The following IFT172 variants were observed in gnomAD, a reference collection of about 807,000 sequenced individuals.
The protein encoded by IFT172 is intraflagellar transport 172, also known as intraflagellar transport protein 172 homolog.
IFT172 carries 164 observed loss-of-function variants against 248.9 expected under a neutral mutation model. The observed-to-expected ratio is 0.66, with a 90% CI of 0.58 to 0.75. The LOEUF is 0.75. IFT172 is among the 30% of genes least tolerant of loss of function. The probability of loss-of-function intolerance (pLI) is 0.00; values close to 1 mark genes in which losing one functional copy is unlikely to be tolerated. For synonymous variants in IFT172, 729 were observed against 791.6 expected, an observed-to-expected ratio of 0.92 and a Z score of 1.33; for missense variants, 1,950 against 2,192.4, an observed-to-expected ratio of 0.89 and a Z score of 2.21.
In IFT172 at chr2:27,454,744, G is replaced by C; in HGVS notation, c.3372-84C>G. 5 of 1,131,946 alleles carry C rather than the reference G, an allele frequency of 4.4e-6. No homozygotes were observed. Among genetic ancestry groups the C allele is most frequent in the Non-Finnish European group, 6.5e-6 (5 of 763,378 alleles). 70.1% of individuals were successfully genotyped at this position (1,131,946 alleles called of 1,614,324 possible). A position where few individuals can be genotyped will look rare whatever the true frequency, so the allele number is the denominator to read the frequency against. On this transcript the variant is annotated intron_variant, in intron 30 of 47. Coordinates refer to ENST00000260570, the MANE Select transcript of IFT172 (RefSeq NM_015662.3). This position sits in a 1 kb window ranked among gnomAD's most constrained non-coding sequence, Gnocchi z 4.2. ...CAAGACAAAACAGAGAAAGGACAGA[G>C]TTGAGGGGAGAAAAAGTGACAGATT...
chr2:27,465,308 G>C (rs1667002692), intron 18 of IFT172, 103 bp downstream of exon 18: 11 of 905,600 alleles, frequency 1.2e-5, no homozygotes, highest in Non-Finnish European at 2.0e-5. Flanking sequence ...AGTGGGAAGG[G>C]AGGGAGTACC....
At position 27,448,605 on chromosome 2, in the gene IFT172, T is replaced by C. The variant is rs921418923; in HGVS notation, c.4428+310A>G. 6.6e-5 allele frequency among the ~76,000 whole-genome samples: 10 copies of C among 152,238 alleles called. No individual in the cohort carries two copies. The East Asian group carries it at 1.9e-3, about 29-fold the overall frequency. ...GTGTTCATTCTCTGGAGGAAGTCAA[T>C]AAAGGCCCTAGAGGTGTATGCAGGA... is the stretch of plus-strand genomic sequence containing the variant. On this transcript the variant is annotated intron_variant, in intron 40 of 47. Coordinates refer to ENST00000260570, the MANE Select transcript of IFT172 (RefSeq NM_015662.3).
At chr2:27,451,235 G>A (rs539893939) in intron 35 of IFT172, among the ~76,000 whole-genome samples, 1 of 152,162 alleles carries the variant, frequency 6.6e-6, no homozygotes, top group African/African-American at 2.4e-5. Flanking sequence ...TCCCTCACCT[G>A]TTCTTGCCTC....
rs377506816 is a variant in IFT172 at position 27,458,744 on chromosome 2, A to G, written c.2877+35T>C. The G allele has an allele frequency of 8.7e-6, 14 of 1,606,208 alleles. No homozygotes were observed. The African/African-American group carries it at 1.9e-4, about 21-fold the overall frequency. ...AATGAGGCCACAATGCCACTAAGGC[A>G]GAGTTCTCTTATCATGAACTCCACC... is the stretch of plus-strand genomic sequence containing the variant. On this transcript the variant is annotated intron_variant, in intron 26 of 47. Transcript: ENST00000260570.
chr2:27,474,870 T>C (rs1667853580), intron 14 of IFT172, among the ~76,000 whole-genome samples: 1 of 151,596 alleles, frequency 6.6e-6, no homozygotes, highest in African/African-American at 2.4e-5. Flanking sequence ...TTTTTTTTTT[T>C]AAGTGAAAAA....
At chr2:27,451,190 T>C (rs1362656208) in intron 35 of IFT172, among the ~76,000 whole-genome samples, 1 of 152,168 alleles carries the variant, frequency 6.6e-6, no homozygotes, top group Admixed American at 6.5e-5. Context: ...CACAATCCAA[T>C]TTCACTGTAG....
intron 1 of IFT172, among the ~76,000 whole-genome samples, chr2:27,486,619 C>A (rs1199682037): frequency 2.6e-5 from 4 of 152,210 alleles, no homozygotes; most frequent in Non-Finnish European, 5.9e-5. Context: ...AATCCTCAAA[C>A]CAGAAAATAG....
At chr2:27,464,013 A>T (rs1203772576) in intron 18 of IFT172, among the ~76,000 whole-genome samples, 1 of 152,218 alleles carries the variant, frequency 6.6e-6, no homozygotes, top group Non-Finnish European at 1.5e-5. Flanking sequence ...ATCTATGTTT[A>T]AAAAAATGAC....
Position 27,444,490 on chromosome 2 carries a change from A to G in IFT172, c.5192T>C (p.Leu1731Pro). 6.2e-7 allele frequency: 1 copy of G among 1,613,730 alleles called. No individual in the cohort carries two copies. Among genetic ancestry groups the G allele is most frequent in the South Asian group, 1.1e-5 (1 of 90,948 alleles). ...TCCACACCACTGACTGATGAATTTC[A>G]GCACGTCCTGGCACACTGGGCTGTG... is the stretch of plus-strand genomic sequence containing the variant. ...TSHSPVCQDV[L>P]KFISQWCGGL... The change falls in exon 48 of 48, where the codon CTG becomes CCG. Residue 1731 changes from leucine (L) to proline (P), a missense_variant. By Grantham distance (98) the Leu-to-Pro change is moderately conservative. Coordinates refer to ENST00000260570, the MANE Select transcript of IFT172 (RefSeq NM_015662.3).
chr2:27,467,700 G>T (rs888017633), intron 16 of IFT172, among the ~76,000 whole-genome samples: 23 of 149,394 alleles, frequency 1.5e-4, no homozygotes, highest in Admixed American at 1.0e-3. Flanking sequence ...AATTAAAAAT[G>T]TAAAACAAGA....
chr2:27,445,549 A>G lies in IFT172; in HGVS notation c.4915-100T>C, dbSNP rs1323021498. The G allele has an allele frequency of 2.9e-6, 4 of 1,401,268 alleles. No homozygotes were observed. Among genetic ancestry groups the G allele is most frequent in the Non-Finnish European group, 3.9e-6 (4 of 1,032,220 alleles). 86.8% of individuals were successfully genotyped at this position (1,401,268 alleles called of 1,614,324 possible). ...GGGGTTTGCTAAGCCCTCATCCTGT[A>G]TACCAGCTTTTAGCCACGAATCCTC... On this transcript the variant is annotated intron_variant, in intron 45 of 47. Coordinates refer to ENST00000260570, the MANE Select transcript of IFT172 (RefSeq NM_015662.3). This position sits in a 1 kb window ranked among gnomAD's most constrained non-coding sequence, Gnocchi z 4.4.
intron 18 of IFT172, among the ~76,000 whole-genome samples, chr2:27,463,987 T>G (rs964272992): frequency 2.0e-5 from 3 of 152,170 alleles, no homozygotes; most frequent in Admixed American, 2.0e-4. Context: ...AAGGTTCCAG[T>G]CATGAAAATG....
chr2:27,467,880 G>A (rs1667225433), intron 16 of IFT172, among the ~76,000 whole-genome samples: 1 of 151,978 alleles, frequency 6.6e-6, no homozygotes, highest in South Asian at 2.1e-4. Context: ...AAAATTTATG[G>A]CTGGGTGCAG....
chr2:27,454,762 G>T lies in IFT172; in HGVS notation c.3372-102C>A. ...GGACAGAGTTGAGGGGAGAAAAAGT[G>T]ACAGATTTAAGGATAACAAATATGA... On this transcript the variant is annotated intron_variant, in intron 30 of 47. Transcript: ENST00000260570. The surrounding 1 kb of genome is among the most constrained non-coding windows in gnomAD (Gnocchi z 4.2). The T allele has an allele frequency of 1.0e-6, 1 of 980,250 alleles. No homozygotes were observed. Among genetic ancestry groups the T allele is most frequent in the Non-Finnish European group, 1.6e-6 (1 of 636,108 alleles). The allele number at this position is 980,250 out of a possible 1,614,324, so 60.7% of individuals were successfully genotyped here. A position where few individuals can be genotyped will look rare whatever the true frequency, so the allele number is the denominator to read the frequency against.
chr2:27,470,976 TAC>T lies in IFT172; in HGVS notation c.1642_1643del (p.Val548MetfsTer5). On this transcript the variant is annotated frameshift_variant, in exon 16 of 48. Transcript: ENST00000260570. LOFTEE classifies it high-confidence loss of function. ...TCTCAGGTGCCTCAATGTTGTACCATACACACAGACTGTTTCGGTTCTGAGCT... is the reference window on the plus strand; with the variant it reads ...TCTCAGGTGCCTCAATGTTGTACCATACACAGACTGTTTCGGTTCTGAGCT... ...LVAQNRNSLC[V>X]WYNIEAPERV... 3 of 1,613,754 alleles carry T rather than the reference TAC, an allele frequency of 1.9e-6. No homozygotes were observed. Among genetic ancestry groups the T allele is most frequent in the Non-Finnish European group, 2.5e-6 (3 of 1,179,946 alleles).
intron 1 of IFT172, 32 bp downstream of exon 1, chr2:27,489,583 T>G (rs1669018273): frequency 6.4e-7 from 1 of 1,574,024 alleles, no homozygotes; most frequent in Non-Finnish European, 8.7e-7. Flanking sequence ...ACATAAAGCA[T>G]AAGGGGGAGG....
intron 1 of IFT172, among the ~76,000 whole-genome samples, chr2:27,486,996 G>C (rs925298342): frequency 1.3e-5 from 2 of 151,610 alleles, no homozygotes. Context: ...AGACTGGAGT[G>C]CAGTGTCACA....
intron 35 of IFT172, 109 bp from the exon 36 acceptor site, chr2:27,450,205 T>G: frequency 3.8e-6 from 3 of 788,272 alleles, no homozygotes; most frequent in Non-Finnish European, 6.3e-6. Flanking sequence ...ACTTTTTCTC[T>G]TACTCTCCCC....
Position 27,457,821 on chromosome 2 carries a change from G to A in IFT172, c.3111+20C>T, listed in dbSNP as rs763599664. The A allele has an allele frequency of 1.2e-5, 19 of 1,614,172 alleles. No individual in the cohort carries two copies. Among genetic ancestry groups the A allele is most frequent in the Non-Finnish European group, 1.4e-5 (17 of 1,180,026 alleles). On this transcript the variant is annotated intron_variant, in intron 28 of 47. Coordinates refer to ENST00000260570, the MANE Select transcript of IFT172 (RefSeq NM_015662.3). ...AGCCTGGTTGGGGAAGAGATAGGGA[G>A]AGCCAGGAGAAGGGCTCACCTTGCC...
Sources: gnomAD v4.1 joint callset for allele counts (sites outside exome capture counted in the v4.1 genomes callset) on GRCh38, gnomAD v4.1.1 for gene constraint, Gnocchi (gnomAD v3.1) non-coding constraint, MANE v1.5 for transcripts, NCBI Gene and HGNC (gene_info 2026-07-23, HGNC 2026-07-21) for gene names.